The following PHLDB2 variants were observed in gnomAD, a reference collection of about 807,000 sequenced individuals.
PHLDB2 encodes pleckstrin homology like domain family B member 2, also known as pleckstrin homology-like domain family B member 2.
A neutral mutation model predicts 123.6 loss-of-function variants in PHLDB2; 71 were observed. That is an observed-to-expected ratio of 0.57 (90% confidence interval 0.47 to 0.70). The LOEUF (loss-of-function observed/expected upper bound fraction) is 0.70, where lower values mean the gene tolerates loss of function less well. Ranked by LOEUF, PHLDB2 falls within the 30% of genes least tolerant of loss-of-function variation. The pLI, the probability that PHLDB2 is intolerant of heterozygous loss-of-function variation, is 0.00. For missense variants in PHLDB2, 1,446 were observed against 1,519.5 expected (o/e 0.95, Z 0.80); for synonymous variants, 547 against 541.6 (o/e 1.01, Z -0.14).
chr3:111,769,845 A>G (rs2108043271), intron 1 of PHLDB2, among the ~76,000 whole-genome samples: 1 of 152,358 alleles, frequency 6.6e-6, no homozygotes, highest in Non-Finnish European at 1.5e-5. Context: ...CAAATTGATG[A>G]AACACATATG....
At chr3:111,959,951 A>G (rs62277621) in intron 12 of PHLDB2, among the ~76,000 whole-genome samples, 194 of 152,324 alleles carry the variant, frequency 1.3e-3, no homozygotes, top group Non-Finnish European at 2.2e-3. Context: ...TTTAAATTAC[A>G]TGGCTGTCCT....
intron 12 of PHLDB2, among the ~76,000 whole-genome samples, 195 bp downstream of exon 12, chr3:111,954,224 A>G (rs370469111): frequency 6.6e-6 from 1 of 152,290 alleles, no homozygotes; most frequent in African/African-American, 2.4e-5. Flanking sequence ...TATTTTAAAC[A>G]TTCCCGTTGT....
intron 6 of PHLDB2, among the ~76,000 whole-genome samples, chr3:111,935,513 A>G (rs111232609): frequency 6.5e-4 from 98 of 151,230 alleles, no homozygotes; most frequent in African/African-American, 2.4e-3. Context: ...ATAGATAGAT[A>G]GATAGATAGA....
chr3:111,809,690 G>A (rs1301382591), intron 1 of PHLDB2, among the ~76,000 whole-genome samples: 1 of 152,182 alleles, frequency 6.6e-6, no homozygotes, highest in Non-Finnish European at 1.5e-5. Flanking sequence ...CTGATTTGTG[G>A]TGGTGCTAAG....
upstream of PHLDB2, among the ~76,000 whole-genome samples, chr3:111,857,681 T>C (rs1326091357): frequency 6.6e-6 from 1 of 152,068 alleles, no homozygotes; most frequent in African/African-American, 2.4e-5. Context: ...AAACCCGGCA[T>C]TCCTAACAAA....
intron 1 of PHLDB2, among the ~76,000 whole-genome samples, chr3:111,876,777 G>A (rs924019787): frequency 1.3e-5 from 2 of 152,002 alleles, no homozygotes; most frequent in Non-Finnish European, 2.9e-5. Context: ...GTGTCCATGT[G>A]TTCTCGTTGA....
At position 111,741,283 on chromosome 3, in the gene PHLDB2, G is replaced by A. The variant is rs147218297; in HGVS notation, c.-49+8580G>A. Among the ~76,000 whole-genome samples, 279 of 152,290 alleles carry A rather than the reference G, an allele frequency of 1.8e-3. 1 individual carries two copies. Among genetic ancestry groups the A allele is most frequent in the African/African-American group, 5.7e-3 (236 of 41,554 alleles). ...GTCCATGGGTCTCCCATCTGTGCCCGAGCACCTGTCTCACAGTGAAAAAGG... is the reference window on the plus strand; with the variant it reads ...GTCCATGGGTCTCCCATCTGTGCCCAAGCACCTGTCTCACAGTGAAAAAGG... On this transcript the variant is annotated intron_variant, in intron 1 of 17. Coordinates refer to the PHLDB2 transcript ENST00000393923.
chr3:111,736,148 C>T (rs1430725114), intron 1 of PHLDB2, among the ~76,000 whole-genome samples: 2 of 152,256 alleles, frequency 1.3e-5, no homozygotes, highest in African/African-American at 4.8e-5. Context: ...CACACATGCA[C>T]ACACACAATA....
chr3:111,884,258 A>T lies in PHLDB2; in HGVS notation c.181A>T (p.Thr61Ser). 1 of 1,614,180 alleles carries T rather than the reference A, an allele frequency of 6.2e-7. No individual in the cohort carries two copies. The highest frequency in any genetic ancestry group is 8.5e-7 in the Non-Finnish European group (1 of 1,180,026). ...ANGDYSGSYL[T>S]LSQPVPAKRS... is the part of the protein sequence containing the mutation. ...TGGAGACTATTCTGGCTCCTATTTA[A>T]CCCTCTCACAACCTGTGCCTGCAAA... The change falls in exon 2 of 18, where the codon ACC (threonine) becomes TCC (serine). Residue 61 changes from threonine to serine, a missense_variant. By Grantham distance (58) the Thr-to-Ser change is moderately conservative. Around this residue, in one of 3 missense-constraint regions of PHLDB2, gnomAD observed 832 missense variants for 831.9 expected, o/e 1.00. Coordinates refer to ENST00000431670, the MANE Select transcript of PHLDB2 (RefSeq NM_001134438.2).
chr3:111,853,410 T>C (rs1249530421), intron 2 of PHLDB2, among the ~76,000 whole-genome samples: 1 of 152,154 alleles, frequency 6.6e-6, no homozygotes. Context: ...AAAGAGTGTG[T>C]AAATTGGAAC....
chr3:111,883,930 A>G, intron 1 of PHLDB2, 134 bp from the exon 2 acceptor site: 1 of 780,258 alleles, frequency 1.3e-6, no homozygotes, highest in South Asian at 1.9e-5. Flanking sequence ...CAGGTTTTTT[A>G]GTAAAACTGA....
chr3:111,964,019 T>C (rs1209929639), intron 13 of PHLDB2, among the ~76,000 whole-genome samples: 1 of 152,174 alleles, frequency 6.6e-6, no homozygotes, highest in Admixed American at 6.5e-5. Context: ...TGCCTGTTTT[T>C]CTCTCCCCTT....
intron 2 of PHLDB2, among the ~76,000 whole-genome samples, chr3:111,909,951 A>G (rs1359247781): frequency 1.3e-5 from 2 of 152,204 alleles, no homozygotes; most frequent in Admixed American, 1.3e-4. Context: ...GTATTTATGC[A>G]GTATGTGTAC....
At chr3:111,835,295 A>G (rs147704251) in intron 1 of PHLDB2, among the ~76,000 whole-genome samples, 1,638 of 152,298 alleles carry the variant, frequency 0.011, 9 homozygotes, top group Middle Eastern at 0.017. Context: ...TGCTAAGGTC[A>G]TGTACTTAAC....
At chr3:111,964,332 G>T (rs968015836) in intron 13 of PHLDB2, among the ~76,000 whole-genome samples, 10 of 151,946 alleles carry the variant, frequency 6.6e-5, no homozygotes, top group Non-Finnish European at 1.3e-4. Flanking sequence ...GGTGATAAAT[G>T]TGTTGGTATT....
chr3:111,906,550 G>A (rs944914777), intron 2 of PHLDB2, among the ~76,000 whole-genome samples: 13 of 152,178 alleles, frequency 8.5e-5, no homozygotes, highest in East Asian at 3.8e-4. Context: ...AAGCAGAATG[G>A]CCTTGGTCTC....
chr3:111,800,776 T>C (rs1005608620), intron 1 of PHLDB2, among the ~76,000 whole-genome samples: 1 of 152,220 alleles, frequency 6.6e-6, no homozygotes, highest in Non-Finnish European at 1.5e-5. Flanking sequence ...TATTTTTACT[T>C]CATAAAATCC....
intron 1 of PHLDB2, among the ~76,000 whole-genome samples, chr3:111,815,383 C>G (rs148293420): frequency 0.028 from 4,268 of 152,202 alleles, 81 homozygotes; most frequent in South Asian, 0.064. Context: ...AAGTTTGGAA[C>G]TCCCTAGAGA....
At position 111,939,610 on chromosome 3, in the gene PHLDB2, C is replaced by T. The variant is rs374574558; in HGVS notation, c.2266C>T (p.Arg756Trp). 3.7e-6 allele frequency: 6 copies of T among 1,609,940 alleles called. No individual in the cohort carries two copies. The highest frequency in any genetic ancestry group is 2.2e-5 in the East Asian group (1 of 44,832). The change falls in exon 7 of 18, where the codon CGG becomes TGG. Residue 756 changes from arginine to tryptophan, a missense_variant. Coordinates refer to ENST00000431670, the MANE Select transcript of PHLDB2 (RefSeq NM_001134438.2). The stretch of plus-strand genomic sequence containing the variant: ...CCTGCGTGAAGTTGCTGAATATCAA[C>T]GGAACATCGTTTCTAGAAAGGTACT... The part of the protein sequence containing the change: ...QLLREVAEYQ[R>W]NIVSRKEKIS...
Sources: gnomAD v4.1 joint callset for allele counts (sites outside exome capture counted in the v4.1 genomes callset) on GRCh38, gnomAD v4.1.1 for gene constraint, gnomAD v4.1.1 regional missense constraint, MANE v1.5 for transcripts, NCBI Gene and HGNC (gene_info 2026-07-23, HGNC 2026-07-21) for gene names.